The following PTPRT variants were observed in gnomAD, a reference collection of about 807,000 sequenced individuals.
The protein encoded by PTPRT is protein tyrosine phosphatase receptor type T.
In PTPRT, 56 loss-of-function variants were observed where a neutral mutation model predicts 176.8. The observed-to-expected ratio is 0.32, with a 90% confidence interval of 0.26 to 0.40. The LOEUF is 0.40. Ranked by LOEUF, PTPRT falls within the 10% of genes least tolerant of loss-of-function variation. PTPRT has a pLI of 1.00. For synonymous variants in PTPRT, 783 were observed against 739.0 expected (o/e 1.06, Z -0.96); for missense variants, 1,540 against 1,908.2 (o/e 0.81, Z 3.60).
intron 15 of PTPRT, among the ~76,000 whole-genome samples, chr20:42,210,276 C>A (rs373123774): frequency 6.6e-6 from 1 of 152,110 alleles, no homozygotes; most frequent in Non-Finnish European, 1.5e-5. Flanking sequence ...CTATTCAACA[C>A]AGTGTTGGAA....
chr20:42,266,850 C>T (rs1046193303), intron 13 of PTPRT, among the ~76,000 whole-genome samples: 1 of 152,282 alleles, frequency 6.6e-6, no homozygotes, highest in South Asian at 2.1e-4. Context: ...CACCAAGTCA[C>T]GTACTTAGAG....
rs1318490791 is a variant in PTPRT, at chr20:42,080,501, G to C, written c.*378C>G. ...CATCTCCTCCACTCCTAAGGAGAAGGAGGGCAGGGGAGCCTCCCACTCCCC... is the reference window on the plus strand; with the variant it reads ...CATCTCCTCCACTCCTAAGGAGAAGCAGGGCAGGGGAGCCTCCCACTCCCC... On this transcript the variant is annotated 3_prime_UTR_variant, in exon 31 of 31. Transcript: ENST00000373187. The C allele has an allele frequency of 3.8e-6, 1 of 263,992 alleles. No homozygotes were observed. The highest frequency in any genetic ancestry group is 2.2e-5 in the African/African-American group (1 of 45,738). 16.4% of individuals were successfully genotyped at this position (263,992 alleles called of 1,614,324 possible).
chr20:42,904,794 C>G (rs995355835), intron 1 of PTPRT, among the ~76,000 whole-genome samples: 5 of 152,074 alleles, frequency 3.3e-5, no homozygotes, highest in Admixed American at 6.6e-5. Flanking sequence ...TTTGACAAAC[C>G]TGACAGAAAC....
chr20:42,646,982 T>A (rs1187894022), intron 7 of PTPRT, among the ~76,000 whole-genome samples: 1 of 143,650 alleles, frequency 7.0e-6, no homozygotes, highest in Non-Finnish European at 1.5e-5. Context: ...GCAGCCTTAA[T>A]CTACTGGGCT....
intron 13 of PTPRT, among the ~76,000 whole-genome samples, chr20:42,255,400 G>T (rs2056620896): frequency 6.6e-6 from 1 of 152,196 alleles, no homozygotes; most frequent in African/African-American, 2.4e-5. Flanking sequence ...GGGGCACAGT[G>T]ATGATGTGAC....
chr20:43,164,789 G>T (rs551377821), intron 1 of PTPRT, among the ~76,000 whole-genome samples: 30 of 152,286 alleles, frequency 2.0e-4, no homozygotes, highest in African/African-American at 7.0e-4. Flanking sequence ...GTTGAAATTT[G>T]AATTTCATAG....
intron 15 of PTPRT, among the ~76,000 whole-genome samples, chr20:42,223,677 T>C (rs956005471): frequency 2.0e-5 from 3 of 152,138 alleles, no homozygotes; most frequent in African/African-American, 7.2e-5. Context: ...CTCTGCTATA[T>C]AAAGCAAAGA....
At chr20:43,027,930 C>T (rs78084708) in intron 1 of PTPRT, among the ~76,000 whole-genome samples, 1,627 of 152,262 alleles carry the variant, frequency 0.011, 19 homozygotes, top group Non-Finnish European at 0.014. Flanking sequence ...GAATGACATG[C>T]AGCCCCATCA....
intron 1 of PTPRT, among the ~76,000 whole-genome samples, chr20:43,120,903 G>C (rs1002435977): frequency 6.6e-5 from 10 of 152,158 alleles, no homozygotes; most frequent in Admixed American, 6.5e-5. Context: ...ATCACAAATA[G>C]ATTGCTGAGT....
chr20:42,815,116 T>C (rs776966270), intron 2 of PTPRT, among the ~76,000 whole-genome samples: 13 of 152,232 alleles, frequency 8.5e-5, no homozygotes, highest in Non-Finnish European at 1.8e-4. Flanking sequence ...TTAAAGTTTA[T>C]ACTATTCACT....
chr20:42,297,487 C>A (rs1234939479), intron 12 of PTPRT, among the ~76,000 whole-genome samples: 1 of 152,126 alleles, frequency 6.6e-6, no homozygotes, highest in Admixed American at 6.5e-5. Flanking sequence ...AAATTTAATG[C>A]AATCCCAGAA....
chr20:42,445,262 A>AATGT (rs2059352602), intron 9 of PTPRT, among the ~76,000 whole-genome samples: 1 of 152,224 alleles, frequency 6.6e-6, no homozygotes, highest in Non-Finnish European at 1.5e-5. Context: ...TGTAATGATA[A>AATGT]CAGCTAACAT....
intron 11 of PTPRT, among the ~76,000 whole-genome samples, chr20:42,317,670 G>C (rs2057739729): frequency 1.3e-5 from 2 of 152,164 alleles, no homozygotes; most frequent in South Asian, 4.1e-4. Context: ...AGATGACAGA[G>C]ACACAGGACT....
At chr20:42,690,438 G>A (rs1243261339) in intron 6 of PTPRT, among the ~76,000 whole-genome samples, 1 of 152,198 alleles carries the variant, frequency 6.6e-6, no homozygotes, top group African/African-American at 2.4e-5. Context: ...CAGAGGCAGA[G>A]GAACTAGGCC....
At chr20:42,193,083 A>G (rs1991062312) in intron 16 of PTPRT, among the ~76,000 whole-genome samples, 1 of 152,214 alleles carries the variant, frequency 6.6e-6, no homozygotes, top group Non-Finnish European at 1.5e-5. Context: ...TTGGTTTTGA[A>G]AGTAGAATAT....
intron 7 of PTPRT, among the ~76,000 whole-genome samples, chr20:42,561,977 C>T (rs2072959699): frequency 6.6e-6 from 1 of 152,146 alleles, no homozygotes; most frequent in African/African-American, 2.4e-5. Flanking sequence ...CAGTTTTATT[C>T]TCCCCTGGCT....
chr20:42,889,048 C>G (rs1279121333), intron 1 of PTPRT, among the ~76,000 whole-genome samples: 1 of 152,198 alleles, frequency 6.6e-6, no homozygotes. Context: ...CACATTAACA[C>G]TTGCCCCTAG....
chr20:42,603,977 T>C (rs987420115), intron 7 of PTPRT, among the ~76,000 whole-genome samples: 8 of 152,174 alleles, frequency 5.3e-5, no homozygotes, highest in Admixed American at 4.6e-4. Flanking sequence ...CTTTGTCTTA[T>C]GGTAAAAACA....
the PTPRT span, among the ~76,000 whole-genome samples, chr20:42,033,096 G>A: frequency 1.6e-4 from 24 of 152,216 alleles, no homozygotes; most frequent in Admixed American, 4.6e-4. Context: ...AGGTGAGACC[G>A]GATAAGTGAA....
Sources: allele counts gnomAD v4.1 joint callset (sites outside exome capture counted in the v4.1 genomes callset), GRCh38; gene constraint gnomAD v4.1.1; transcripts MANE v1.5; gene names NCBI Gene and HGNC (gene_info 2026-07-23, HGNC 2026-07-21).